The following SLC2A13 variants were observed in gnomAD, a reference collection of about 807,000 sequenced individuals.
SLC2A13 encodes the protein solute carrier family 2 member 13.
A neutral mutation model predicts 64.4 loss-of-function variants in SLC2A13; 32 were observed. That is an observed-to-expected ratio of 0.50 (90% confidence interval 0.37 to 0.67). The LOEUF is 0.67. SLC2A13 is among the 30% of genes least tolerant of loss of function. The probability of loss-of-function intolerance (pLI) is 0.00; values close to 1 mark genes in which losing one functional copy is unlikely to be tolerated. For synonymous variants in SLC2A13, 338 were observed against 327.1 expected (o/e 1.03, Z -0.36); for missense variants, 743 against 829.2 (o/e 0.90, Z 1.28).
rs545255873 is a variant in SLC2A13, at chr12:39,819,011, T to C, written c.1445+11092A>G. The stretch of plus-strand genomic sequence containing the variant: ...AATGTTAAACGAACGAAGATGTTTT[T>C]CCACTGTCAATCATAGTTTTCAGAC... On this transcript the variant is annotated intron_variant, in intron 7 of 9. Transcript: ENST00000280871. 9.9e-5 allele frequency among the ~76,000 whole-genome samples: 15 copies of C among 152,240 alleles called. 1 individual carries two copies. Among genetic ancestry groups the C allele is most frequent in the Non-Finnish European group, 1.8e-4 (12 of 68,010 alleles).
intron 2 of SLC2A13, among the ~76,000 whole-genome samples, chr12:40,044,424 A>G (rs1948141826): frequency 6.6e-6 from 1 of 152,180 alleles, no homozygotes; most frequent in Non-Finnish European, 1.5e-5. Context: ...TGAATACACT[A>G]AAAGCCAAGT....
At chr12:40,080,577 A>C (rs565655630) in intron 1 of SLC2A13, among the ~76,000 whole-genome samples, 8 of 152,170 alleles carry the variant, frequency 5.3e-5, no homozygotes, top group African/African-American at 1.9e-4. Context: ...TTTTTGGTAG[A>C]GACGGGGTTT....
At chr12:39,893,147 TAAG>T (rs1944653151) in intron 4 of SLC2A13, among the ~76,000 whole-genome samples, 1 of 152,178 alleles carries the variant, frequency 6.6e-6, no homozygotes, top group African/African-American at 2.4e-5. Flanking sequence ...TTATCAAAAA[TAAG>T]AAAGCAACAA....
intron 1 of SLC2A13, among the ~76,000 whole-genome samples, chr12:40,086,646 G>A (rs1196822714): frequency 6.6e-6 from 1 of 152,166 alleles, no homozygotes; most frequent in Non-Finnish European, 1.5e-5. Flanking sequence ...AAGCAAATCA[G>A]TTACAAATAC....
chr12:39,870,838 G>T (rs1456691893), intron 5 of SLC2A13, among the ~76,000 whole-genome samples: 1 of 152,178 alleles, frequency 6.6e-6, no homozygotes, highest in Admixed American at 6.5e-5. Context: ...TCAGGAGAGG[G>T]TATGTATTTC....
At chr12:40,072,723 T>C (rs1592059120) in intron 1 of SLC2A13, among the ~76,000 whole-genome samples, 1 of 152,146 alleles carries the variant, frequency 6.6e-6, no homozygotes, top group South Asian at 2.1e-4. Flanking sequence ...TAGCATGGCA[T>C]ATCTTTCCCA....
chr12:39,914,070 T>A (rs1945479124), intron 4 of SLC2A13, among the ~76,000 whole-genome samples: 1 of 151,946 alleles, frequency 6.6e-6, no homozygotes, highest in South Asian at 2.1e-4. Context: ...AAAAAAATAG[T>A]TAAATGAACT....
intron 3 of SLC2A13, among the ~76,000 whole-genome samples, chr12:39,979,534 C>A (rs1946846716): frequency 6.7e-6 from 1 of 149,512 alleles, no homozygotes; most frequent in Admixed American, 6.6e-5. Context: ...ATGCAGAAGC[C>A]TCAGGAGCCG....
chr12:39,973,637 C>T (rs1452241929), intron 3 of SLC2A13, among the ~76,000 whole-genome samples: 1 of 152,212 alleles, frequency 6.6e-6, no homozygotes, highest in African/African-American at 2.4e-5. Context: ...CTCACTTCTC[C>T]TTCAGCATTC....
rs995286778 is a variant in SLC2A13 at position 39,757,188 on chromosome 12, T to A, written c.*2838A>T. ...CAGACATCCAGCCTCAATAGGGATTTGGACCTTCTTCATTGTATTTTCCTA... is the reference window on the plus strand; with the variant it reads ...CAGACATCCAGCCTCAATAGGGATTAGGACCTTCTTCATTGTATTTTCCTA... On this transcript the variant is annotated 3_prime_UTR_variant, in exon 10 of 10. Transcript: ENST00000280871. 1 of 151,852 alleles carries A rather than the reference T, an allele frequency of 6.6e-6. No individual in the cohort carries two copies. Among genetic ancestry groups the A allele is most frequent in the African/African-American group, 2.4e-5 (1 of 41,402 alleles). The allele number at this position is 151,852 out of a possible 1,614,324, so 9.4% of individuals were successfully genotyped here. A position where few individuals can be genotyped will look rare whatever the true frequency, so the allele number is the denominator to read the frequency against.
chr12:40,038,475 C>T (rs1948025858), intron 2 of SLC2A13, among the ~76,000 whole-genome samples: 1 of 151,852 alleles, frequency 6.6e-6, no homozygotes, highest in African/African-American at 2.4e-5. Context: ...GCATGGTGGC[C>T]CACGCCTATA....
At chr12:39,887,991 C>T (rs769824109) in intron 4 of SLC2A13, among the ~76,000 whole-genome samples, 5 of 152,196 alleles carry the variant, frequency 3.3e-5, no homozygotes, top group Non-Finnish European at 7.3e-5. Context: ...CACCACCCCA[C>T]TCTCAGCCTT....
intron 7 of SLC2A13, among the ~76,000 whole-genome samples, chr12:39,804,156 A>C (rs1480044837): frequency 6.6e-6 from 1 of 152,188 alleles, no homozygotes; most frequent in Non-Finnish European, 1.5e-5. Flanking sequence ...TATTTAGGAG[A>C]CAAACCCACA....
chr12:39,879,996 G>A (rs1352222573), intron 4 of SLC2A13, among the ~76,000 whole-genome samples: 1 of 152,054 alleles, frequency 6.6e-6, no homozygotes, highest in Non-Finnish European at 1.5e-5. Context: ...ATGATAGTGA[G>A]TTCATACAAG....
chr12:40,026,143 AAG>A lies in SLC2A13; in HGVS notation c.925+2156_925+2157del, dbSNP rs770531388. Among the ~76,000 whole-genome samples the A allele has an allele frequency of 5.9e-5, 9 of 152,368 alleles. No individual in the cohort carries two copies. The South Asian group carries it at 1.9e-3, about 32-fold the overall frequency. ...TGCTCTTAACTGCGTACTTTTTAAA[AAG>A]AACGTTAAGATTAGCTTTTAAATTA... On this transcript the variant is annotated intron_variant, in intron 3 of 9. Transcript: ENST00000280871.
At chr12:39,937,407 C>T (rs964580037) in intron 4 of SLC2A13, among the ~76,000 whole-genome samples, 1 of 152,090 alleles carries the variant, frequency 6.6e-6, no homozygotes, top group Non-Finnish European at 1.5e-5. Flanking sequence ...CAATAGTCTA[C>T]CCGGAATCAG....
intron 4 of SLC2A13, among the ~76,000 whole-genome samples, chr12:39,932,732 C>T (rs1397384774): frequency 6.6e-6 from 1 of 152,070 alleles, no homozygotes; most frequent in African/African-American, 2.4e-5. Context: ...AAGGAAGCAG[C>T]CACAATGAGA....
intron 6 of SLC2A13, among the ~76,000 whole-genome samples, chr12:39,845,349 G>A (rs1313739293): frequency 6.6e-6 from 1 of 151,994 alleles, no homozygotes; most frequent in African/African-American, 2.4e-5. Context: ...CACCAAGAAA[G>A]AACCTTGGTA....
At chr12:40,003,888 G>A (rs1452644933) in intron 3 of SLC2A13, among the ~76,000 whole-genome samples, 1 of 151,910 alleles carries the variant, frequency 6.6e-6, no homozygotes, top group Non-Finnish European at 1.5e-5. Flanking sequence ...AGCTACTTGG[G>A]AGGCTGAGGA....
Sources: gnomAD v4.1 joint callset for allele counts (sites outside exome capture counted in the v4.1 genomes callset) on GRCh38, gnomAD v4.1.1 for gene constraint, MANE v1.5 for transcripts, NCBI Gene and HGNC (gene_info 2026-07-23, HGNC 2026-07-21) for gene names.